CASR: variants seen among roughly 807,000 people sequenced by gnomAD.
CASR encodes the protein calcium sensing receptor, also known as extracellular calcium-sensing receptor.
A neutral mutation model predicts 69.1 loss-of-function variants in CASR; 23 were observed. That is an observed-to-expected ratio of 0.33 (90% confidence interval 0.24 to 0.47). CASR has a LOEUF of 0.47. CASR is among the 20% of genes least tolerant of loss of function. The probability of loss-of-function intolerance (pLI) is 1.00; values close to 1 mark genes in which losing one functional copy is unlikely to be tolerated. For synonymous variants in CASR, 541 were observed against 544.7 expected (o/e 0.99, Z 0.10); for missense variants, 924 against 1,356.1 (o/e 0.68, Z 5.00).
rs547392112 is a variant in CASR, at chr3:122,203,867, A to G, written c.-243+20055A>G. Among the ~76,000 whole-genome samples, 309 of 152,300 alleles carry G rather than the reference A, an allele frequency of 2.0e-3. 1 individual carries two copies. The highest frequency in any genetic ancestry group is 3.5e-3 in the Non-Finnish European group (235 of 68,024). ...TGGTATATGCAGTTTGTAGTGTATG[A>G]CTATATTTAGATTTTCTTTAATGTC... On this transcript the variant is annotated intron_variant, in intron 1 of 6. Coordinates refer to ENST00000639785, the MANE Select transcript of CASR (RefSeq NM_000388.4).
At chr3:122,230,622 G>A (rs534408827) in intron 1 of CASR, among the ~76,000 whole-genome samples, 2 of 152,310 alleles carry the variant, frequency 1.3e-5, no homozygotes, top group African/African-American at 4.8e-5. Context: ...CACCTGAGCA[G>A]GACTTGGAAA....
chr3:122,272,875 G>A (rs1385494750), intron 4 of CASR, among the ~76,000 whole-genome samples: 1 of 152,164 alleles, frequency 6.6e-6, no homozygotes, highest in African/African-American at 2.4e-5. Flanking sequence ...CTCCTTTGAA[G>A]TTAGGATTAT....
chr3:122,276,006 C>T lies in CASR; in HGVS notation c.1572C>T (p.Asn524=), dbSNP rs776534485. The part of the protein sequence containing the change: ...YAKKGERLFI[N]EEKILWSGFS... ...AGAAGGGAGAAAGACTCTTCATCAACGAGGAGAAAATCCTGTGGAGTGGGT... is the reference window on the plus strand; with the variant it reads ...AGAAGGGAGAAAGACTCTTCATCAATGAGGAGAAAATCCTGTGGAGTGGGT... Residue 524 remains asparagine (N), a synonymous_variant, in exon 5 of 7, where the codon AAC becomes AAT. Coordinates refer to ENST00000639785, the MANE Select transcript of CASR (RefSeq NM_000388.4). The T allele has an allele frequency of 3.7e-6, 6 of 1,613,728 alleles. No individual in the cohort carries two copies. The highest frequency in any genetic ancestry group is 1.1e-5 in the South Asian group (1 of 91,068).
At chr3:122,198,559 T>C (rs899423915) in intron 1 of CASR, among the ~76,000 whole-genome samples, 1 of 152,116 alleles carries the variant, frequency 6.6e-6, no homozygotes, top group Non-Finnish European at 1.5e-5. Context: ...CTCTTGGTGA[T>C]GGGCTTTTTG....
chr3:122,230,449 G>A (rs552457799), intron 1 of CASR, among the ~76,000 whole-genome samples: 1 of 152,224 alleles, frequency 6.6e-6, no homozygotes, highest in Non-Finnish European at 1.5e-5. Flanking sequence ...AGGGACGCAG[G>A]AGCAGCGGGG....
chr3:122,242,780 A>G (rs1018820872), intron 1 of CASR, among the ~76,000 whole-genome samples: 1 of 152,194 alleles, frequency 6.6e-6, no homozygotes, highest in Non-Finnish European at 1.5e-5. Flanking sequence ...ATTATGCTAC[A>G]GAAGTATGGC....
intron 3 of CASR, among the ~76,000 whole-genome samples, chr3:122,260,471 T>G (rs2074607051): frequency 6.6e-6 from 1 of 152,138 alleles, no homozygotes; most frequent in Non-Finnish European, 1.5e-5. Flanking sequence ...TCAAGACCCA[T>G]ATCAAAAGCC....
chr3:122,269,085 T>C (rs1393198), intron 4 of CASR, among the ~76,000 whole-genome samples: 11,458 of 152,312 alleles, frequency 0.075, 576 homozygotes, highest in Middle Eastern at 0.16. Context: ...TTTATTAGCC[T>C]AATTTGTACT....
At chr3:122,194,283 T>C (rs1429353197) in intron 1 of CASR, among the ~76,000 whole-genome samples, 1 of 152,146 alleles carries the variant, frequency 6.6e-6, no homozygotes, top group Non-Finnish European at 1.5e-5. Flanking sequence ...TTTTATCATA[T>C]ATGCATTTGG....
intron 1 of CASR, among the ~76,000 whole-genome samples, chr3:122,201,446 C>T (rs1435782027): frequency 6.6e-6 from 1 of 152,256 alleles, no homozygotes; most frequent in Non-Finnish European, 1.5e-5. Flanking sequence ...ATCTTTTCCC[C>T]ACCTTTCCCC....
Position 122,254,135 on chromosome 3 carries a change from G to A in CASR, c.-55G>A. The A allele has an allele frequency of 1.3e-6, 2 of 1,567,746 alleles. No homozygotes were observed. Among genetic ancestry groups the A allele is most frequent in the East Asian group, 2.2e-5 (1 of 44,664 alleles). ...AACTGCTCCAAGGGAGAAACTTCTG[G>A]GAGCCTCCAAACTCCTAGCTGTCTC... On this transcript the variant is annotated 5_prime_UTR_variant, in exon 2 of 7. Coordinates refer to ENST00000639785, the MANE Select transcript of CASR (RefSeq NM_000388.4).
chr3:122,289,483 C>T lies in CASR; in HGVS notation c.*4292C>T, dbSNP rs2074993586. The T allele has an allele frequency of 6.6e-6, 1 of 152,246 alleles. No individual in the cohort carries two copies. The highest frequency in any genetic ancestry group is 1.5e-5 in the Non-Finnish European group (1 of 68,106). 9.4% of individuals were successfully genotyped at this position (152,246 alleles called of 1,614,324 possible). Reference sequence around the variant, plus strand: ...AACAAGCACAGGGTAGAACCTGTCACAGGAATAAAGGTGCATTCCAAGGAT... The same window carrying T: ...AACAAGCACAGGGTAGAACCTGTCATAGGAATAAAGGTGCATTCCAAGGAT... On this transcript the variant is annotated 3_prime_UTR_variant, in exon 7 of 7. Transcript: ENST00000639785.
chr3:122,192,395 C>T (rs2073848242), intron 1 of CASR, among the ~76,000 whole-genome samples: 2 of 152,180 alleles, frequency 1.3e-5, no homozygotes, highest in African/African-American at 4.8e-5. Flanking sequence ...ATCTTCAAAG[C>T]TCTAAACAAC....
At chr3:122,236,897 G>A (rs1185057760) in intron 1 of CASR, among the ~76,000 whole-genome samples, 2 of 152,128 alleles carry the variant, frequency 1.3e-5, no homozygotes, top group Non-Finnish European at 2.9e-5. Context: ...AAGTGAAGGT[G>A]ATTCTATCTT....
intron 1 of CASR, among the ~76,000 whole-genome samples, chr3:122,190,956 C>T (rs988049629): frequency 1.3e-5 from 2 of 152,198 alleles, no homozygotes; most frequent in Non-Finnish European, 2.9e-5. Context: ...ATCTGGTTAA[C>T]GTTGCTGATT....
At chr3:122,201,657 C>G (rs560717366) in intron 1 of CASR, among the ~76,000 whole-genome samples, 1 of 83,218 alleles carries the variant, frequency 1.2e-5, no homozygotes, top group Admixed American at 1.1e-4. Flanking sequence ...CCGGACGGGG[C>G]GGCTGGCCAG....
intron 1 of CASR, among the ~76,000 whole-genome samples, chr3:122,226,539 T>C (rs2074224820): frequency 6.6e-6 from 1 of 152,134 alleles, no homozygotes; most frequent in East Asian, 1.9e-4. Context: ...CTGCTTTTAT[T>C]CTCTTATCTG....
At chr3:122,225,116 A>C (rs1576832862) in intron 1 of CASR, among the ~76,000 whole-genome samples, 1 of 152,196 alleles carries the variant, frequency 6.6e-6, no homozygotes, top group Admixed American at 6.5e-5. Flanking sequence ...TAAAAATGTT[A>C]GTAGAAAACC....
chr3:122,229,686 A>C (rs1028510088), intron 1 of CASR, among the ~76,000 whole-genome samples: 1 of 152,054 alleles, frequency 6.6e-6, no homozygotes. Flanking sequence ...ACATGGTGAA[A>C]CCCCACCTCT....
Sources: gnomAD v4.1 joint callset for allele counts (sites outside exome capture counted in the v4.1 genomes callset) on GRCh38, gnomAD v4.1.1 for gene constraint, MANE v1.5 for transcripts, NCBI Gene and HGNC (gene_info 2026-07-23, HGNC 2026-07-21) for gene names.